SGCZ: variants seen among roughly 807,000 people sequenced by gnomAD.
SGCZ encodes the protein sarcoglycan zeta.
Under a neutral mutation model 41.3 loss-of-function variants are expected in SGCZ, and 40 were observed. The ratio of observed to expected loss-of-function variants is 0.97; its 90% confidence interval spans 0.75 to 1.26. The LOEUF is 1.26. SGCZ is among the 50% of genes most tolerant of loss of function. SGCZ has a pLI of 0.00. For missense variants in SGCZ, 552 were observed against 369.8 expected (o/e 1.49, Z -4.04); for synonymous variants, 206 against 137.5 (o/e 1.50, Z -3.49).
chr8:14,442,485 T>A (rs765246284), intron 2 of SGCZ, among the ~76,000 whole-genome samples: 1 of 152,170 alleles, frequency 6.6e-6, no homozygotes, highest in Non-Finnish European at 1.5e-5. Context: ...AATAGCAGCA[T>A]GAAAACAAAC....
intron 2 of SGCZ, among the ~76,000 whole-genome samples, chr8:14,533,118 A>G (rs1242205503): frequency 2.6e-5 from 4 of 152,040 alleles, no homozygotes; most frequent in Admixed American, 1.3e-4. Flanking sequence ...TCCATTAGGT[A>G]TATCTCCTAA....
At chr8:15,129,243 C>T (rs147360824) in intron 1 of SGCZ, among the ~76,000 whole-genome samples, 101 of 152,218 alleles carry the variant, frequency 6.6e-4, no homozygotes, top group Non-Finnish European at 1.0e-3. Flanking sequence ...CCCCTAATCG[C>T]GTCTATTAAT....
At chr8:14,390,370 T>C (rs1804726035) in intron 2 of SGCZ, among the ~76,000 whole-genome samples, 1 of 151,850 alleles carries the variant, frequency 6.6e-6, no homozygotes, top group South Asian at 2.1e-4. Flanking sequence ...GTTCTAATAA[T>C]TGTAATAATA....
intron 1 of SGCZ, among the ~76,000 whole-genome samples, chr8:14,629,361 ATTAT>A (rs1806570482): frequency 1.5e-5 from 1 of 65,190 alleles, no homozygotes; most frequent in Non-Finnish European, 3.5e-5. Flanking sequence ...TGTAAAATAC[ATTAT>A]CTAAATAATG....
Position 14,470,220 on chromosome 8 carries a change from C to G in SGCZ, c.234+84512G>C, listed in dbSNP as rs151252916. Among the ~76,000 whole-genome samples, 711 of 152,032 alleles carry G rather than the reference C, an allele frequency of 4.7e-3. 7 individuals carry two copies. Among genetic ancestry groups the G allele is most frequent in the African/African-American group, 0.016 (657 of 41,482 alleles). ...CAACGTTTGGTAACAGAAATCTATG[C>G]TAATTTTTGTGTAAGAAAATAGAAA... is the stretch of plus-strand genomic sequence containing the variant. On this transcript the variant is annotated intron_variant, in intron 2 of 7. Transcript: ENST00000382080.
intron 1 of SGCZ, among the ~76,000 whole-genome samples, chr8:14,785,387 A>G (rs948796222): frequency 7.2e-5 from 11 of 152,182 alleles, no homozygotes; most frequent in Non-Finnish European, 1.0e-4. Flanking sequence ...GTTTGCAAGG[A>G]AACTCTGAAA....
chr8:14,700,746 G>T (rs1261947787), intron 1 of SGCZ, among the ~76,000 whole-genome samples: 2 of 151,808 alleles, frequency 1.3e-5, no homozygotes, highest in East Asian at 3.8e-4. Flanking sequence ...ACATTTTATT[G>T]AATATGATAA....
chr8:14,136,957 G>T (rs529490399), intron 5 of SGCZ, among the ~76,000 whole-genome samples: 7 of 152,162 alleles, frequency 4.6e-5, no homozygotes, highest in Non-Finnish European at 1.0e-4. Context: ...TACAGAGGAA[G>T]GATTAGGCAG....
At position 14,713,058 on chromosome 8, in the gene SGCZ, C is replaced by T. The variant is rs1407867533; in HGVS notation, c.40-158132G>A. 3.3e-5 allele frequency among the ~76,000 whole-genome samples: 5 copies of T among 152,092 alleles called. No homozygotes were observed. In the East Asian group the frequency reaches 9.6e-4, roughly 29 times the overall value. On this transcript the variant is annotated intron_variant, in intron 1 of 7. Transcript: ENST00000382080. ...CTCATTTTTACTAAAAAGTAATTAACTAAGCACAATACAACAGTTCTAAGC... is the reference window on the plus strand; with the variant it reads ...CTCATTTTTACTAAAAAGTAATTAATTAAGCACAATACAACAGTTCTAAGC...
chr8:14,966,736 T>C lies in SGCZ; in HGVS notation c.39+270849A>G, dbSNP rs188612143. 1.5e-3 allele frequency among the ~76,000 whole-genome samples: 233 copies of C among 152,262 alleles called. 3 individuals are homozygous for C. The highest frequency in any genetic ancestry group is 0.014 in the Admixed American group (211 of 15,282). ...CCTGCTTTAAAAACGCTTTGGGTTG[T>C]TTTCTTTTGTTTTAAACAAATAGTA... On this transcript the variant is annotated intron_variant, in intron 1 of 7. Transcript: ENST00000382080.
intron 1 of SGCZ, among the ~76,000 whole-genome samples, chr8:14,658,833 G>C (rs1807658221): frequency 6.6e-6 from 1 of 151,442 alleles, no homozygotes. Flanking sequence ...GCAGAGAGCA[G>C]ATGCTTAATA....
intron 1 of SGCZ, among the ~76,000 whole-genome samples, chr8:14,847,810 CTGA>C (rs1803187018): frequency 6.9e-6 from 1 of 145,910 alleles, no homozygotes; most frequent in Non-Finnish European, 1.5e-5. Context: ...AAAAAAAAAC[CTGA>C]CTGTTTTCTC....
chr8:15,193,765 A>T (rs1375428518), intron 1 of SGCZ, among the ~76,000 whole-genome samples: 1 of 152,236 alleles, frequency 6.6e-6, no homozygotes, highest in Non-Finnish European at 1.5e-5. Flanking sequence ...ATATGAAAAT[A>T]TAATTTTTCA....
chr8:15,009,647 A>T (rs1027854850), intron 1 of SGCZ, among the ~76,000 whole-genome samples: 1 of 152,190 alleles, frequency 6.6e-6, no homozygotes, highest in East Asian at 1.9e-4. Flanking sequence ...AATGATATCG[A>T]GAATAAGTCC....
intron 1 of SGCZ, among the ~76,000 whole-genome samples, chr8:15,203,597 A>G (rs968711146): frequency 6.6e-6 from 1 of 152,226 alleles, no homozygotes; most frequent in African/African-American, 2.4e-5. Context: ...ATACTTTTAA[A>G]CAGACAAATG....
chr8:14,626,418 C>A (rs1806456155), intron 1 of SGCZ, among the ~76,000 whole-genome samples: 1 of 151,974 alleles, frequency 6.6e-6, no homozygotes, highest in Non-Finnish European at 1.5e-5. Context: ...AAACACTGGC[C>A]TTAGGTTTAA....
chr8:14,713,239 G>A (rs199894421), intron 1 of SGCZ, among the ~76,000 whole-genome samples: 1 of 152,120 alleles, frequency 6.6e-6, no homozygotes, highest in Non-Finnish European at 1.5e-5. Context: ...ATGTCCAAGC[G>A]TATCAAAGTT....
At chr8:15,224,009 C>T (rs1295376895) in intron 1 of SGCZ, among the ~76,000 whole-genome samples, 1 of 152,070 alleles carries the variant, frequency 6.6e-6, no homozygotes, top group Non-Finnish European at 1.5e-5. Flanking sequence ...CATGGGCAAC[C>T]ACACCCAGCT....
chr8:15,027,183 T>C (rs1803488451), intron 1 of SGCZ, among the ~76,000 whole-genome samples: 1 of 152,164 alleles, frequency 6.6e-6, no homozygotes, highest in Admixed American at 6.5e-5. Flanking sequence ...AATGAGTTTT[T>C]GACCCACCTC....
Sources: allele counts gnomAD v4.1 joint callset (sites outside exome capture counted in the v4.1 genomes callset), GRCh38; gene constraint gnomAD v4.1.1; transcripts MANE v1.5; gene names NCBI Gene and HGNC (gene_info 2026-07-23, HGNC 2026-07-21).